Variants in ZNF324B observed in about 807,000 individuals in gnomAD.
ZNF324B encodes the protein zinc finger protein 324B.
Under a neutral mutation model 10.6 loss-of-function variants are expected in ZNF324B, and 7 were observed. The ratio of observed to expected loss-of-function variants is 0.66; its 90% CI spans 0.38 to 1.24. ZNF324B has a LOEUF of 1.24. Among genes scored for constraint, ZNF324B ranks in the 50% most tolerant of loss-of-function variants. The pLI, the probability that ZNF324B is intolerant of heterozygous loss-of-function variation, is 0.02. For missense variants in ZNF324B, 640 were observed against 764.7 expected (o/e 0.84, Z 1.92); for synonymous variants, 316 against 321.0 (o/e 0.98, Z 0.17).
chr19:58,436,036 T>G, the ZNF324B span, among the ~76,000 whole-genome samples: 2 of 152,236 alleles, frequency 1.3e-5, no homozygotes, highest in African/African-American at 2.4e-5. Flanking sequence ...TATTGATACA[T>G]GCTACAACAT....
chr19:58,456,336 G>C lies in ZNF324B; in HGVS notation c.1392G>C (p.Lys464Asn). 3.7e-6 allele frequency: 6 copies of C among 1,612,606 alleles called. No individual in the cohort carries two copies. The highest frequency in any genetic ancestry group is 5.1e-6 in the Non-Finnish European group (6 of 1,179,850). The stretch of plus-strand genomic sequence containing the variant: ...TGGACTGTGGCAAGGGTTTCGCCAA[G>C]GGCGCCGTGCTGCTCAGCCACCGGC... ...RCVDCGKGFA[K>N]GAVLLSHRRI... is the part of the protein sequence containing the mutation. Residue 464 changes from lysine (K) to asparagine (N), a missense_variant, in exon 4 of 4, where the codon AAG becomes AAC. Physicochemically the swap from Lys to Asn is moderately conservative, Grantham distance 94. This residue lies in a region of ZNF324B where 238 missense variants were observed against 258.0 expected (regional missense o/e 0.92). Coordinates refer to ENST00000336614, the MANE Select transcript of ZNF324B (RefSeq NM_207395.3). This position sits in a 1 kb window ranked among gnomAD's most constrained non-coding sequence, Gnocchi z 4.7.
Position 58,455,449 on chromosome 19 carries a change from C to G in ZNF324B, c.505C>G (p.Pro169Ala). 1.2e-6 allele frequency: 2 copies of G among 1,614,164 alleles called. No homozygotes were observed. The highest frequency in any genetic ancestry group is 1.7e-6 in the Non-Finnish European group (2 of 1,180,006). Residue 169 changes from proline (P) to alanine (A), a missense_variant, in exon 4 of 4, where the codon CCC becomes GCC. This residue lies in a region of ZNF324B where 345 missense variants were observed against 387.9 expected (regional missense o/e 0.89). Coordinates refer to ENST00000336614, the MANE Select transcript of ZNF324B (RefSeq NM_207395.3). This position sits in a 1 kb window ranked among gnomAD's most constrained non-coding sequence, Gnocchi z 7.0. ...GCGACTGACCTCCCCACTCAGGCCCCCCAAGAGCAGCCGGCCCAGGGAAAA... is the reference window on the plus strand; with the variant it reads ...GCGACTGACCTCCCCACTCAGGCCCGCCAAGAGCAGCCGGCCCAGGGAAAA... ...SLRLTSPLRPPKSSRPREKTF... is the reference protein window; with the variant it reads ...SLRLTSPLRPAKSSRPREKTF...
chr19:58,434,768 G>T, the ZNF324B span: 2 of 1,614,246 alleles, frequency 1.2e-6, no homozygotes, highest in Non-Finnish European at 1.7e-6. Context: ...ACTTCTGGAA[G>T]CTGCCCAAGA....
chr19:58,433,868 G>A, the ZNF324B span: 172 of 1,614,020 alleles, frequency 1.1e-4, no homozygotes, highest in Non-Finnish European at 1.3e-4. Flanking sequence ...CTGGAGCTGC[G>A]GCTGAAGGAT....
the ZNF324B span, chr19:58,441,119 A>C: frequency 6.6e-6 from 1 of 152,274 alleles, no homozygotes; most frequent in African/African-American, 2.4e-5. Context: ...GCAGGCTCTC[A>C]TGCCCCCTTG....
At chr19:58,430,765 G>A in the ZNF324B span, 1 of 152,204 alleles carries the variant, frequency 6.6e-6, no homozygotes, top group Non-Finnish European at 1.5e-5. Context: ...TCTCTCTTCA[G>A]TGTGGGTTCT....
the ZNF324B span, among the ~76,000 whole-genome samples, chr19:58,438,975 C>T: frequency 5.9e-5 from 9 of 151,994 alleles, no homozygotes; most frequent in Admixed American, 4.6e-4. Flanking sequence ...GGTTTCGCCA[C>T]GTTGGCCAGG....
At chr19:58,434,872 G>A in the ZNF324B span, 1 of 1,614,152 alleles carries the variant, frequency 6.2e-7, no homozygotes, top group Non-Finnish European at 8.5e-7. Flanking sequence ...GCAAGTGAAG[G>A]GGTTCTCTGA....
In ZNF324B at chr19:58,456,196, G is replaced by A. The variant is rs1195221409; in HGVS notation, c.1252G>A (p.Val418Met). 4.3e-6 allele frequency: 7 copies of A among 1,612,808 alleles called. No individual in the cohort carries two copies. The highest frequency in any genetic ancestry group is 4.5e-5 in the East Asian group (2 of 44,838). The change falls in exon 4 of 4, where the codon GTG (valine) becomes ATG (methionine). Residue 418 changes from valine to methionine, a missense_variant. Physicochemically the swap from Val to Met is conservative, Grantham distance 21. Around this residue, in one of 3 missense-constraint regions of ZNF324B, gnomAD observed 238 missense variants for 258.0 expected, o/e 0.92. Transcript: ENST00000336614. This position sits in a 1 kb window ranked among gnomAD's most constrained non-coding sequence, Gnocchi z 4.7. ...QGSSLFLHQR[V>M]HTGEKPFACA... ...CTCCTCGCTCTTTTTGCACCAGCGC[G>A]TGCACACAGGCGAGAAGCCCTTCGC...
chr19:58,422,932 C>T, the ZNF324B span, among the ~76,000 whole-genome samples: 2 of 152,120 alleles, frequency 1.3e-5, no homozygotes, highest in African/African-American at 2.4e-5. Flanking sequence ...TGCAATGGCA[C>T]GATCTGGGCT....
chr19:58,422,659 C>G, the ZNF324B span, among the ~76,000 whole-genome samples: 11 of 152,074 alleles, frequency 7.2e-5, no homozygotes, highest in African/African-American at 2.4e-4. Flanking sequence ...ATGATAGTTA[C>G]CAAAATATAC....
At chr19:58,441,511 A>C in the ZNF324B span, 14 of 152,144 alleles carry the variant, frequency 9.2e-5, no homozygotes, top group African/African-American at 3.4e-4. Flanking sequence ...AGTAGTTAGG[A>C]AGAATTAGGA....
At chr19:58,430,933 G>A in the ZNF324B span, 1 of 152,166 alleles carries the variant, frequency 6.6e-6, no homozygotes, top group Non-Finnish European at 1.5e-5. Context: ...TGTGCCATGA[G>A]TACTCTGGTG....
At chr19:58,432,189 G>C in the ZNF324B span, 1 of 403,712 alleles carries the variant, frequency 2.5e-6, no homozygotes, top group Middle Eastern at 3.6e-4. Flanking sequence ...CACTTTCCTG[G>C]ACGTCAGGCT....
At chr19:58,446,017 C>A in the ZNF324B span, among the ~76,000 whole-genome samples, 3 of 152,184 alleles carry the variant, frequency 2.0e-5, no homozygotes, top group African/African-American at 7.2e-5. Context: ...CACCTGTAAT[C>A]CCAGTTACTC....
chr19:58,447,311 G>A (rs2052832511), upstream of ZNF324B, among the ~76,000 whole-genome samples: 1 of 152,216 alleles, frequency 6.6e-6, no homozygotes, highest in Non-Finnish European at 1.5e-5. Flanking sequence ...GGACCACGTT[G>A]GCTAGGGTCA....
the ZNF324B span, among the ~76,000 whole-genome samples, chr19:58,426,964 G>C: frequency 6.6e-6 from 1 of 152,182 alleles, no homozygotes; most frequent in Non-Finnish European, 1.5e-5. Context: ...CAGCCATCAG[G>C]ACTTTGCCTG....
At chr19:58,429,041 G>C in the ZNF324B span, 1 of 152,178 alleles carries the variant, frequency 6.6e-6, no homozygotes, top group Non-Finnish European at 1.5e-5. Context: ...GGTGACCCTT[G>C]GTGTCCAGAT....
the ZNF324B span, chr19:58,434,987 A>T: frequency 4.3e-6 from 7 of 1,614,082 alleles, no homozygotes; most frequent in Non-Finnish European, 5.9e-6. Context: ...TTTGCATTCA[A>T]CCAAAAGTCT....
Sources: allele counts gnomAD v4.1 joint callset (sites outside exome capture counted in the v4.1 genomes callset), GRCh38; gene constraint gnomAD v4.1.1; regional missense constraint gnomAD v4.1.1; non-coding constraint Gnocchi (gnomAD v3.1); transcripts MANE v1.5; gene names NCBI Gene and HGNC (gene_info 2026-07-23, HGNC 2026-07-21).